The following EYS variants were observed in gnomAD, a reference collection of about 807,000 sequenced individuals.
EYS encodes protein eyes shut homolog.
EYS carries 250 observed loss-of-function variants against 282.1 expected under a neutral mutation model. That is an observed-to-expected ratio of 0.89 (90% CI 0.80 to 0.98). The LOEUF is 0.98. EYS is among the 50% of genes least tolerant of loss of function. The pLI is 0.00. For synonymous variants in EYS, 1,355 were observed against 1,282.9 expected (o/e 1.06, Z -1.20); for missense variants, 4,016 against 3,709.0 (o/e 1.08, Z -2.15).
intron 15 of EYS, among the ~76,000 whole-genome samples, chr6:64,919,423 T>TC (rs1282337344): frequency 6.7e-6 from 1 of 149,570 alleles, no homozygotes; most frequent in Non-Finnish European, 1.5e-5. Flanking sequence ...TTTTTTCTTT[T>TC]TTTTTTTTTT....
intron 22 of EYS, among the ~76,000 whole-genome samples, chr6:64,804,156 A>G (rs985023607): frequency 2.6e-5 from 4 of 152,210 alleles, no homozygotes; most frequent in African/African-American, 9.6e-5. Context: ...TAAAATTGTT[A>G]TTTATTAAAG....
intron 29 of EYS, among the ~76,000 whole-genome samples, chr6:64,380,244 A>C (rs1269676015): frequency 6.6e-6 from 1 of 152,124 alleles, no homozygotes; most frequent in Non-Finnish European, 1.5e-5. Context: ...TGAAACAACA[A>C]CTTGTACAAA....
intron 37 of EYS, chr6:63,798,087 T>C (rs910680883): frequency 1.3e-5 from 2 of 152,190 alleles, no homozygotes; most frequent in African/African-American, 4.8e-5. Flanking sequence ...GCAAGTATAG[T>C]GTTCCCCTGT....
At chr6:63,813,214 G>A (rs13201665) in intron 36 of EYS, among the ~76,000 whole-genome samples, 9,160 of 152,074 alleles carry the variant, frequency 0.06, 389 homozygotes, top group Non-Finnish European at 0.093. Context: ...TCTTGAGCTC[G>A]AGCGATCTGC....
chr6:63,734,675 CT>C (rs1768865944), intron 41 of EYS, among the ~76,000 whole-genome samples: 1 of 151,964 alleles, frequency 6.6e-6, no homozygotes, highest in African/African-American at 2.4e-5. Flanking sequence ...GGTTTTTGTC[CT>C]GAGAAACTAG....
At chr6:63,998,611 A>T (rs1308762639) in intron 34 of EYS, among the ~76,000 whole-genome samples, 4 of 152,144 alleles carry the variant, frequency 2.6e-5, no homozygotes, top group African/African-American at 9.7e-5. Context: ...AGGGATAGAC[A>T]TTCTCTTTTC....
At chr6:65,677,065 T>G (rs1248587527) in intron 1 of EYS, among the ~76,000 whole-genome samples, 57 of 81,990 alleles carry the variant, frequency 7.0e-4, no homozygotes, top group Admixed American at 3.2e-3. Flanking sequence ...ACGATGAAGG[T>G]AAAATATGTA....
chr6:64,200,832 A>G (rs1765440001), intron 31 of EYS, among the ~76,000 whole-genome samples: 1 of 152,174 alleles, frequency 6.6e-6, no homozygotes, highest in Admixed American at 6.5e-5. Context: ...AGTCCACACA[A>G]AACCTGGAAA....
intron 12 of EYS, among the ~76,000 whole-genome samples, chr6:65,116,638 G>GA (rs895842624): frequency 1.3e-5 from 2 of 151,934 alleles, no homozygotes; most frequent in Non-Finnish European, 2.9e-5. Flanking sequence ...AGATAGGAAA[G>GA]AAAACTAGCC....
rs1768358665 is a variant in EYS at position 63,720,948 on chromosome 6, A to T, written c.9083T>A (p.Ile3028Asn). 2 of 1,551,316 alleles carry T rather than the reference A, an allele frequency of 1.3e-6. No homozygotes were observed. The highest frequency in any genetic ancestry group is 1.7e-6 in the Non-Finnish European group (2 of 1,146,752). The change falls in exon 43 of 43, where the codon ATC (isoleucine) becomes AAC (asparagine). Residue 3028 changes from isoleucine to asparagine, a missense_variant. Physicochemically the swap from Ile to Asn is moderately radical, Grantham distance 149. Transcript: ENST00000503581. ...ATTGTTATAGCTCATAGGCACAGAG[A>T]TTCTTTCTCCCAAGTTAACTGCTAT... ...LKIAVNLGERISVPMSYNNGT... is the reference protein window; with the variant it reads ...LKIAVNLGERNSVPMSYNNGT...
intron 30 of EYS, among the ~76,000 whole-genome samples, chr6:64,274,697 C>G (rs1199017970): frequency 6.6e-6 from 1 of 151,990 alleles, no homozygotes; most frequent in East Asian, 1.9e-4. Context: ...ATCCCTGTCA[C>G]TCCTACTTAT....
chr6:65,380,683 C>T (rs756252707), intron 8 of EYS, among the ~76,000 whole-genome samples: 2 of 152,042 alleles, frequency 1.3e-5, no homozygotes, highest in Non-Finnish European at 2.9e-5. Flanking sequence ...AGTGAACAGG[C>T]AACCTACAGA....
At chr6:64,220,332 G>T (rs758834758) in intron 31 of EYS, among the ~76,000 whole-genome samples, 2 of 152,106 alleles carry the variant, frequency 1.3e-5, no homozygotes, top group Non-Finnish European at 2.9e-5. Context: ...TTTTCACCAG[G>T]AGAATGGGAA....
intron 31 of EYS, among the ~76,000 whole-genome samples, chr6:64,186,230 A>G (rs1474222645): frequency 6.9e-6 from 1 of 145,362 alleles, no homozygotes; most frequent in Admixed American, 7.2e-5. Flanking sequence ...GTGGGTATAC[A>G]GGCTTATATG....
At chr6:64,656,661 C>T (rs1208241366) in intron 22 of EYS, among the ~76,000 whole-genome samples, 1 of 152,104 alleles carries the variant, frequency 6.6e-6, no homozygotes. Context: ...AGAATTATCC[C>T]ACCTGATAGA....
At chr6:65,479,092 A>G (rs1453458227) in intron 5 of EYS, among the ~76,000 whole-genome samples, 1 of 125,070 alleles carries the variant, frequency 8.0e-6, no homozygotes, top group Admixed American at 8.9e-5. Context: ...ACCATACCAT[A>G]AACTCAGAAA....
intron 7 of EYS, among the ~76,000 whole-genome samples, chr6:65,391,555 G>T (rs1766032174): frequency 6.6e-6 from 1 of 152,090 alleles, no homozygotes; most frequent in Non-Finnish European, 1.5e-5. Flanking sequence ...AATCATGGGT[G>T]AACTCCCATT....
At position 65,206,702 on chromosome 6, in the gene EYS, A is replaced by T. The variant is rs532139733; in HGVS notation, c.2023+89161T>A. Among the ~76,000 whole-genome samples, 15 of 151,970 alleles carry T rather than the reference A, an allele frequency of 9.9e-5. No individual in the cohort carries two copies. In the East Asian group the frequency reaches 2.9e-3, roughly 29 times the overall value. ...TAGTCAAGTGGGTTTTATTCCAGGG[A>T]TATAAGGGCAATTCAACATTTGCAA... On this transcript the variant is annotated intron_variant, in intron 12 of 42. Transcript: ENST00000503581.
chr6:65,155,814 CA>C (rs1000081919), intron 12 of EYS, among the ~76,000 whole-genome samples: 1 of 151,460 alleles, frequency 6.6e-6, no homozygotes, highest in African/African-American at 2.4e-5. Flanking sequence ...GACATGTTAG[CA>C]GTTTGACTCT....
Sources: allele counts gnomAD v4.1 joint callset (sites outside exome capture counted in the v4.1 genomes callset), GRCh38; gene constraint gnomAD v4.1.1; transcripts MANE v1.5; gene names NCBI Gene and HGNC (gene_info 2026-07-23, HGNC 2026-07-21).